WDR72: variants seen among roughly 807,000 people sequenced by gnomAD.
The protein encoded by WDR72 is WD repeat-containing protein 72.
WDR72 carries 120 observed loss-of-function variants against 124.2 expected under a neutral mutation model. The ratio of observed to expected loss-of-function variants is 0.97; its 90% CI spans 0.83 to 1.12. The LOEUF is 1.12. Ranked by LOEUF, WDR72 falls within the 50% of genes most tolerant of loss-of-function variation. The pLI is 0.00. For missense variants in WDR72, 1,387 were observed against 1,278.8 expected (o/e 1.08, Z -1.29); for synonymous variants, 452 against 441.7 (o/e 1.02, Z -0.29).
chr15:53,665,575 A>C lies in WDR72; in HGVS notation c.1959T>G (p.Cys653Trp), dbSNP rs1488884293. ...PCPGLQVESSCKVTDAKFCPR... is the reference protein window; with the variant it reads ...PCPGLQVESSWKVTDAKFCPR... ...CAACAGCTTGATTTGAACTTACCTTACATGAAGACTCCACCTGCAGACCAG... is the reference window on the plus strand; with the variant it reads ...CAACAGCTTGATTTGAACTTACCTTCCATGAAGACTCCACCTGCAGACCAG... Residue 653 changes from cysteine (C) to tryptophan (W), a missense_variant, in exon 14 of 20, where the codon TGT becomes TGG. Coordinates refer to ENST00000360509, the MANE Select transcript of WDR72 (RefSeq NM_182758.4). 1 of 1,613,812 alleles carries C rather than the reference A, an allele frequency of 6.2e-7. No homozygotes were observed. Among genetic ancestry groups the C allele is most frequent in the Non-Finnish European group, 8.5e-7 (1 of 1,179,786 alleles).
At chr15:53,576,249 C>T (rs902167517) in intron 18 of WDR72, among the ~76,000 whole-genome samples, 6 of 152,190 alleles carry the variant, frequency 3.9e-5, no homozygotes, top group Admixed American at 3.9e-4. Context: ...GCAGTTTAAC[C>T]AGTGTATGCC....
intron 6 of WDR72, among the ~76,000 whole-genome samples, chr15:53,713,408 G>A (rs201300831): frequency 1.4e-4 from 6 of 42,444 alleles, no homozygotes; most frequent in Admixed American, 2.7e-4. Context: ...ATTTTATTTT[G>A]TTGTATTTTA....
rs1195210841 is a variant in WDR72, at chr15:53,664,568, C to A, written c.1962+1004G>T. Among the ~76,000 whole-genome samples, 3 of 151,332 alleles carry A rather than the reference C, an allele frequency of 2.0e-5. 1 individual carries two copies. The highest frequency in any genetic ancestry group is 7.4e-5 in the African/African-American group (3 of 40,764). The stretch of plus-strand genomic sequence containing the variant: ...GATAAAATAAGGTCTTATTCTAAGT[C>A]CTTATTAATAGTATATTACTAGCCT... On this transcript the variant is annotated intron_variant, in intron 14 of 19. Coordinates refer to ENST00000360509, the MANE Select transcript of WDR72 (RefSeq NM_182758.4).
chr15:53,654,628 T>C (rs1285783068), intron 14 of WDR72, among the ~76,000 whole-genome samples: 4 of 152,212 alleles, frequency 2.6e-5, no homozygotes, highest in Non-Finnish European at 5.9e-5. Flanking sequence ...GTGTGTTATA[T>C]GGACACTTCC....
chr15:53,575,723 T>G (rs1894730251), intron 18 of WDR72, among the ~76,000 whole-genome samples: 1 of 152,178 alleles, frequency 6.6e-6, no homozygotes, highest in Non-Finnish European at 1.5e-5. Flanking sequence ...GGGCTCCTCC[T>G]AGATTTGGAG....
intron 16 of WDR72, among the ~76,000 whole-genome samples, chr15:53,611,835 A>G (rs1008241925): frequency 1.3e-5 from 2 of 152,024 alleles, no homozygotes; most frequent in Admixed American, 6.6e-5. Flanking sequence ...CATTAACATA[A>G]TTCTTGGAAC....
chr15:53,614,809 A>T (rs2013688044), intron 15 of WDR72, among the ~76,000 whole-genome samples: 1 of 152,050 alleles, frequency 6.6e-6, no homozygotes, highest in Admixed American at 6.6e-5. Flanking sequence ...AGAAAAGCAA[A>T]GTGACTAGCC....
Position 53,578,278 on chromosome 15 carries a change from G to C in WDR72, c.3148+18801C>G, listed in dbSNP as rs185289108. Reference sequence around the variant, plus strand: ...ACACAGGGTGGTCAGTGGTGTGACAGAAGTACAGGTTAGGTCACTTAACAT... The same window carrying C: ...ACACAGGGTGGTCAGTGGTGTGACACAAGTACAGGTTAGGTCACTTAACAT... On this transcript the variant is annotated intron_variant, in intron 18 of 19. Coordinates refer to ENST00000360509, the MANE Select transcript of WDR72 (RefSeq NM_182758.4). Among the ~76,000 whole-genome samples the C allele has an allele frequency of 2.6e-3, 393 of 152,224 alleles. 2 individuals carry two copies. Among genetic ancestry groups the C allele is most frequent in the African/African-American group, 9.2e-3 (382 of 41,530 alleles).
intron 3 of WDR72, among the ~76,000 whole-genome samples, chr15:53,721,906 G>A (rs2017886153): frequency 6.6e-6 from 1 of 152,126 alleles, no homozygotes; most frequent in South Asian, 2.1e-4. Context: ...CCTATTTCAT[G>A]AGGGCAAGCT....
At chr15:53,657,611 T>A (rs1458590673) in intron 14 of WDR72, among the ~76,000 whole-genome samples, 1 of 152,194 alleles carries the variant, frequency 6.6e-6, no homozygotes. Flanking sequence ...TAGATTTCTA[T>A]GTCTCTTATA....
chr15:53,720,285 C>T (rs1164938668), intron 3 of WDR72, among the ~76,000 whole-genome samples: 2 of 152,134 alleles, frequency 1.3e-5, no homozygotes, highest in Admixed American at 1.3e-4. Flanking sequence ...ACCTCTAGAA[C>T]ACCAGAATGT....
intron 10 of WDR72, among the ~76,000 whole-genome samples, 156 bp from the exon 11 acceptor site, chr15:53,705,389 G>A (rs2017322108): frequency 6.6e-6 from 1 of 152,036 alleles, no homozygotes; most frequent in African/African-American, 2.4e-5. Flanking sequence ...AAGTTCAATT[G>A]ATGTTAACAT....
chr15:53,702,300 A>G lies in WDR72; in HGVS notation c.1403T>C (p.Leu468Pro), dbSNP rs1377748744. The G allele has an allele frequency of 6.2e-7, 1 of 1,613,958 alleles. No homozygotes were observed. Among genetic ancestry groups the G allele is most frequent in the African/African-American group, 1.3e-5 (1 of 74,940 alleles). The change falls in exon 12 of 20, where the codon CTC becomes CCC. Residue 468 changes from leucine to proline, a missense_variant. By Grantham distance (98) the Leu-to-Pro change is moderately conservative. Coordinates refer to ENST00000360509, the MANE Select transcript of WDR72 (RefSeq NM_182758.4). Reference protein sequence around the residue: ...KGHHQSVTSLLYPHGLSSKLD... With the variant: ...KGHHQSVTSLPYPHGLSSKLD... ...TTTCGAAGAGAGACCATGTGGATAG[A>G]GTAATGAAGTGACACTTTGGTGGTG...
chr15:53,542,988 G>A (rs138649549), intron 18 of WDR72, among the ~76,000 whole-genome samples: 7 of 151,906 alleles, frequency 4.6e-5, no homozygotes, highest in African/African-American at 1.5e-4. Context: ...ACCCAGATTC[G>A]TAAAGCAAGT....
intron 1 of WDR72, among the ~76,000 whole-genome samples, chr15:53,736,613 T>C (rs1292091571): frequency 6.6e-6 from 1 of 152,110 alleles, no homozygotes; most frequent in Non-Finnish European, 1.5e-5. Context: ...TAGGAAGGCA[T>C]GCACACTGAG....
intron 14 of WDR72, among the ~76,000 whole-genome samples, chr15:53,630,119 A>G (rs1223079026): frequency 6.6e-6 from 1 of 152,220 alleles, no homozygotes; most frequent in East Asian, 1.9e-4. Flanking sequence ...GATGAAATGG[A>G]CAAATTTTTA....
chr15:53,540,574 A>AG (rs1024222115), intron 18 of WDR72, among the ~76,000 whole-genome samples: 6 of 151,630 alleles, frequency 4.0e-5, no homozygotes, highest in Admixed American at 2.0e-4. Flanking sequence ...GAAGAAAGAA[A>AG]AAAAAAAAAA....
At chr15:53,561,863 G>A (rs542898831) in intron 18 of WDR72, among the ~76,000 whole-genome samples, 1 of 151,870 alleles carries the variant, frequency 6.6e-6, no homozygotes, top group Non-Finnish European at 1.5e-5. Flanking sequence ...GGTAATTCAA[G>A]TGTGCATCCA....
intron 13 of WDR72, among the ~76,000 whole-genome samples, chr15:53,689,887 T>C (rs2016778959): frequency 6.6e-6 from 1 of 151,472 alleles, no homozygotes. Context: ...TATGCAGCCA[T>C]AAAAAATGAT....
Sources: gnomAD v4.1 joint callset for allele counts (sites outside exome capture counted in the v4.1 genomes callset) on GRCh38, gnomAD v4.1.1 for gene constraint, MANE v1.5 for transcripts, NCBI Gene and HGNC (gene_info 2026-07-23, HGNC 2026-07-21) for gene names.